OR2AT4: variants seen among roughly 807,000 people sequenced by gnomAD.
OR2AT4 encodes olfactory receptor family 2 subfamily AT member 4.
In OR2AT4, 6 loss-of-function variants were observed where a neutral mutation model predicts 10.3. The ratio of observed to expected loss-of-function variants is 0.58; its 90% CI spans 0.32 to 1.15. The LOEUF (loss-of-function observed/expected upper bound fraction) is 1.15, where lower values mean the gene tolerates loss of function less well. Ranked by LOEUF, OR2AT4 falls within the 50% of genes most tolerant of loss-of-function variation. OR2AT4 has a pLI of 0.05. For missense variants in OR2AT4, 354 were observed against 393.8 expected, an observed-to-expected ratio of 0.90 and a Z score of 0.85; for synonymous variants, 145 against 159.1, an observed-to-expected ratio of 0.91 and a Z score of 0.67.
chr11:75,092,655 CT>C (rs1949325624), intron 1 of OR2AT4, among the ~76,000 whole-genome samples: 1 of 151,998 alleles, frequency 6.6e-6, no homozygotes, highest in South Asian at 2.1e-4. Context: ...ATCTAAATGG[CT>C]TTTGTTAGGC....
At chr11:75,089,820 T>A (rs1949313613) in exon 2 of OR2AT4, 1 of 1,124,018 alleles carries the variant, frequency 8.9e-7, no homozygotes, top group Admixed American at 2.3e-5. Context: ...AATGCTATAA[T>A]GTTTACTCTG....
chr11:75,091,254 G>A (rs574383113), intron 1 of OR2AT4, among the ~76,000 whole-genome samples: 16 of 152,198 alleles, frequency 1.1e-4, no homozygotes, highest in Admixed American at 2.6e-4. Context: ...AATAATATTC[G>A]GTGCACAACA....
At chr11:75,089,546 T>G in exon 2 of OR2AT4, 2 of 1,613,978 alleles carry the variant, frequency 1.2e-6, no homozygotes, top group Non-Finnish European at 8.5e-7. Context: ...GGCTGGGCTC[T>G]GCCACCACGG....
exon 2 of OR2AT4, chr11:75,088,376 C>T (rs1347076970): frequency 6.4e-6 from 1 of 157,184 alleles, no homozygotes; most frequent in African/African-American, 2.4e-5. Flanking sequence ...AATTCGTATT[C>T]TTTTTATATA....
exon 2 of OR2AT4, chr11:75,089,335 G>T: frequency 6.2e-7 from 1 of 1,614,170 alleles, no homozygotes; most frequent in Non-Finnish European, 8.5e-7. Flanking sequence ...GCCACATAGC[G>T]GTCATAGGCC....
chr11:75,085,860 G>C (rs1324195036), exon 2 of OR2AT4: 3 of 151,962 alleles, frequency 2.0e-5, no homozygotes, highest in Admixed American at 2.0e-4. Flanking sequence ...ATATCAAAAA[G>C]CAAAGGAACT....
At chr11:75,083,834 G>A (rs1333207257) in exon 2 of OR2AT4, 1 of 152,278 alleles carries the variant, frequency 6.6e-6, no homozygotes, top group Non-Finnish European at 1.5e-5. Flanking sequence ...AGCTGGGCAT[G>A]GTGGCACATG....
exon 2 of OR2AT4, chr11:75,089,812 T>C: frequency 8.2e-7 from 1 of 1,218,346 alleles, no homozygotes; most frequent in Non-Finnish European, 1.2e-6. Context: ...GGAGTGATAA[T>C]GCTATAATGT....
At chr11:75,087,553 A>C (rs1305277207) in exon 2 of OR2AT4, 1 of 152,198 alleles carries the variant, frequency 6.6e-6, no homozygotes, top group Non-Finnish European at 1.5e-5. Context: ...GCGCCACTGC[A>C]CTCCAGCCTG....
At chr11:75,089,332 A>C in exon 2 of OR2AT4, 1 of 1,614,202 alleles carries the variant, frequency 6.2e-7, no homozygotes, top group South Asian at 1.1e-5. Context: ...ATAGCCACAT[A>C]GCGGTCATAG....
chr11:75,084,412 T>C (rs1026396277), exon 2 of OR2AT4: 6 of 152,300 alleles, frequency 3.9e-5, no homozygotes, highest in Non-Finnish European at 5.9e-5. Context: ...ATAATTATTG[T>C]TAGAAACTTT....
intron 1 of OR2AT4, among the ~76,000 whole-genome samples, chr11:75,095,278 T>C (rs912452695): frequency 6.6e-6 from 1 of 152,246 alleles, no homozygotes; most frequent in African/African-American, 2.4e-5. Flanking sequence ...TCAAAGCCTG[T>C]CTTCTTGCAG....
chr11:75,089,814 C>A, exon 2 of OR2AT4: 2 of 1,204,988 alleles, frequency 1.7e-6, no homozygotes, highest in Non-Finnish European at 2.3e-6. Context: ...AGTGATAATG[C>A]TATAATGTTT....
At chr11:75,091,632 G>A (rs1019606575) in intron 1 of OR2AT4, among the ~76,000 whole-genome samples, 2 of 152,158 alleles carry the variant, frequency 1.3e-5, no homozygotes, top group African/African-American at 4.8e-5. Flanking sequence ...AGAGATAGAA[G>A]AGTATATCTT....
exon 2 of OR2AT4, chr11:75,089,877 T>C (rs1949313835): frequency 2.8e-6 from 2 of 713,078 alleles, no homozygotes; most frequent in Admixed American, 5.9e-5. Flanking sequence ...AGAGGACTGA[T>C]GAGGGGCTAT....
exon 2 of OR2AT4, chr11:75,089,465 G>A (rs1317993114): frequency 6.2e-7 from 1 of 1,614,216 alleles, no homozygotes; most frequent in Admixed American, 1.7e-5. Context: ...GCATCTTGGG[G>A]ACAGTGGTTG....
At chr11:75,091,255 G>A (rs192166746) in intron 1 of OR2AT4, among the ~76,000 whole-genome samples, 1 of 152,282 alleles carries the variant, frequency 6.6e-6, no homozygotes, top group East Asian at 1.9e-4. Flanking sequence ...ATAATATTCG[G>A]TGCACAACAC....
exon 2 of OR2AT4, chr11:75,089,823 T>A (rs935554270): frequency 9.0e-7 from 1 of 1,113,574 alleles, no homozygotes; most frequent in African/African-American, 1.6e-5. Flanking sequence ...GCTATAATGT[T>A]TACTCTGTAG....
At position 75,089,261 on chromosome 11, in the gene OR2AT4, G is replaced by A. The variant is rs372512455; in HGVS notation, c.453C>T (p.Ala151=). ...GGAGGAGGGCAGTTAGCCAGGCACT[G>A]GCTGCCAAGGTAGCATTGGTCTGTG... Residue 151 remains alanine, a synonymous_variant, in exon 2 of 2, where the codon GCC becomes GCT. Transcript: ENST00000641504. 5.6e-5 allele frequency: 90 copies of A among 1,614,208 alleles called. No homozygotes were observed. In the African/African-American group the frequency reaches 9.5e-4, roughly 17 times the overall value.
Sources: gnomAD v4.1 joint callset for allele counts (sites outside exome capture counted in the v4.1 genomes callset) on GRCh38, gnomAD v4.1.1 for gene constraint, MANE v1.5 for transcripts, NCBI Gene and HGNC (gene_info 2026-07-23, HGNC 2026-07-21) for gene names.